TENT4B: variants seen among roughly 807,000 people sequenced by gnomAD.
The protein encoded by TENT4B is terminal nucleotidyltransferase 4B.
Under a neutral mutation model 75.0 loss-of-function variants are expected in TENT4B, and 10 were observed. That is an observed-to-expected ratio of 0.13 (90% CI 0.08 to 0.23). The LOEUF is 0.23. Among genes scored for constraint, TENT4B ranks in the 10% least tolerant of loss-of-function variants. The probability of loss-of-function intolerance (pLI) is 1.00; values close to 1 mark genes in which losing one functional copy is unlikely to be tolerated. For synonymous variants in TENT4B, 350 were observed against 357.7 expected (o/e 0.98, Z 0.24); for missense variants, 579 against 893.8 (o/e 0.65, Z 4.49).
At chr16:50,202,657 C>G (rs2150724226) in intron 1 of TENT4B, among the ~76,000 whole-genome samples, 1 of 152,226 alleles carries the variant, frequency 6.6e-6, no homozygotes, top group Non-Finnish European at 1.5e-5. Flanking sequence ...TAGAACTACT[C>G]AAGAGTAGTT....
chr16:50,178,112 A>T (rs1157486122), intron 1 of TENT4B, among the ~76,000 whole-genome samples: 1 of 144,344 alleles, frequency 6.9e-6, no homozygotes, highest in Admixed American at 6.9e-5. Flanking sequence ...TCAATTTGTT[A>T]AGGTGCTCTT....
chr16:50,189,888 C>T (rs1215207786), intron 1 of TENT4B, among the ~76,000 whole-genome samples: 2 of 151,452 alleles, frequency 1.3e-5, no homozygotes, highest in Non-Finnish European at 2.9e-5. Context: ...ACCAGCCTGG[C>T]CAACATGGTG....
chr16:50,216,639 T>C (rs371843692), intron 4 of TENT4B, among the ~76,000 whole-genome samples: 1 of 151,906 alleles, frequency 6.6e-6, no homozygotes. Context: ...CAGCAAAATA[T>C]GCAATTTTAT....
rs986904322 is a variant in TENT4B at position 50,229,781 on chromosome 16, G to GT, written c.*463dup. On this transcript the variant is annotated 3_prime_UTR_variant, in exon 12 of 12. Transcript: ENST00000561678. ...CCAAAGGGGAAAGTGATCTGTGCATGTTTTTTTTTTAAATATTTTTGCATA... is the reference window on the plus strand; with the variant it reads ...CCAAAGGGGAAAGTGATCTGTGCATGTTTTTTTTTTTAAATATTTTTGCATA... 3.2e-3 allele frequency: 2,857 copies of GT among 890,238 alleles called. No individual in the cohort carries two copies. Among genetic ancestry groups the GT allele is most frequent in the Middle Eastern group, 6.5e-3 (11 of 1,704 alleles). The allele number at this position is 890,238 out of a possible 1,614,324, so 55.1% of individuals were successfully genotyped here.
At chr16:50,214,027 T>C (rs2031422262) in intron 2 of TENT4B, among the ~76,000 whole-genome samples, 194 bp from the exon 3 acceptor site, 2 of 152,192 alleles carry the variant, frequency 1.3e-5, no homozygotes, top group Non-Finnish European at 2.9e-5. Flanking sequence ...TAAGTTTAAA[T>C]TATATTCAGA....
At chr16:50,180,113 T>C (rs896409594) in intron 1 of TENT4B, among the ~76,000 whole-genome samples, 1 of 151,370 alleles carries the variant, frequency 6.6e-6, no homozygotes, top group Admixed American at 6.6e-5. Flanking sequence ...TTCTTTTTCT[T>C]TTTTTTTTGA....
At chr16:50,177,293 G>A (rs1282328063) in intron 1 of TENT4B, among the ~76,000 whole-genome samples, 1 of 152,146 alleles carries the variant, frequency 6.6e-6, no homozygotes, top group Non-Finnish European at 1.5e-5. Flanking sequence ...GTGAGTCACT[G>A]TGCCTGGCCC....
intron 1 of TENT4B, among the ~76,000 whole-genome samples, chr16:50,167,739 C>T (rs945341251): frequency 6.6e-6 from 1 of 151,500 alleles, no homozygotes; most frequent in Non-Finnish European, 1.5e-5. Flanking sequence ...CTTACTGCAC[C>T]CTCTGCCTCC....
intron 1 of TENT4B, among the ~76,000 whole-genome samples, chr16:50,203,929 A>C (rs1295992883): frequency 1.3e-5 from 2 of 152,156 alleles, no homozygotes; most frequent in Non-Finnish European, 2.9e-5. Context: ...ATGCTCCAGG[A>C]GCCCCCAGGA....
chr16:50,154,100 A>T lies in TENT4B; in HGVS notation c.479A>T (p.Lys160Met). ...PADSASGSSN[K>M]RKRDNKASTY... ...GATTCGGCCTCGGGCAGCAGCAACA[A>T]GAGGAAGCGCGACAACAAGGCCAGC... is the stretch of plus-strand genomic sequence containing the variant. The change falls in exon 1 of 12, where the codon AAG (lysine) becomes ATG (methionine). Residue 160 changes from lysine (K) to methionine (M), a missense_variant. Transcript: ENST00000561678. 6.5e-7 allele frequency: 1 copy of T among 1,528,706 alleles called. No homozygotes were observed. Among genetic ancestry groups the T allele is most frequent in the Non-Finnish European group, 8.7e-7 (1 of 1,143,974 alleles). The allele number at this position is 1,528,706 out of a possible 1,614,324, so 94.7% of individuals were successfully genotyped here.
intron 1 of TENT4B, among the ~76,000 whole-genome samples, chr16:50,181,446 A>G (rs1486031198): frequency 6.7e-6 from 1 of 150,060 alleles, no homozygotes; most frequent in East Asian, 1.9e-4. Flanking sequence ...GGCACACAAC[A>G]TCATATCCAG....
intron 4 of TENT4B, among the ~76,000 whole-genome samples, chr16:50,216,692 A>AT (rs896578320): frequency 9.9e-5 from 15 of 151,220 alleles, no homozygotes; most frequent in South Asian, 6.3e-4. Flanking sequence ...TGTTTTATTC[A>AT]TTTTTTTTAG....
chr16:50,229,040 C>T (rs1362650952), intron 11 of TENT4B, 112 bp from the exon 12 acceptor site: 3 of 1,514,446 alleles, frequency 2.0e-6, no homozygotes, highest in Non-Finnish European at 2.6e-6. Flanking sequence ...AGTAAGGTAA[C>T]AATCTAGCCA....
intron 1 of TENT4B, among the ~76,000 whole-genome samples, chr16:50,165,188 A>G (rs1357156665): frequency 3.3e-5 from 5 of 149,934 alleles, no homozygotes; most frequent in Non-Finnish European, 7.4e-5. Flanking sequence ...TATTCCATTT[A>G]TTTATTTTTT....
Position 50,228,062 on chromosome 16 carries a change from C to G in TENT4B, c.1965+59C>G, listed in dbSNP as rs75381599. On this transcript the variant is annotated intron_variant, in intron 11 of 11. Coordinates refer to ENST00000561678, the MANE Select transcript of TENT4B (RefSeq NM_001365324.3). The stretch of plus-strand genomic sequence containing the variant: ...TTGATACAAAATATTTAGAATTTCC[C>G]ACATGTAAATAATATGCAGCATGGG... The G allele has an allele frequency of 3.7e-3, 5,805 of 1,549,140 alleles. 193 individuals are homozygous for G. The African/African-American group carries it at 0.071, about 19-fold the overall frequency.
chr16:50,171,260 G>T (rs1459921105), intron 1 of TENT4B, among the ~76,000 whole-genome samples: 1 of 152,160 alleles, frequency 6.6e-6, no homozygotes, highest in African/African-American at 2.4e-5. Context: ...AAATAGCCAG[G>T]TGTGGTGGCA....
At chr16:50,152,978 C>T (rs1168171924), upstream of TENT4B, 10 of 1,513,330 alleles carry the variant, frequency 6.6e-6, no homozygotes, top group African/African-American at 1.4e-5. Context: ...CGCTCAGCAC[C>T]GGGGAAGCCG....
At chr16:50,198,520 A>G (rs941110253) in intron 1 of TENT4B, among the ~76,000 whole-genome samples, 2 of 152,226 alleles carry the variant, frequency 1.3e-5, no homozygotes, top group Middle Eastern at 6.8e-3. Flanking sequence ...AAAGCCAGAA[A>G]AGTGAAGAAA....
At chr16:50,198,119 T>TTA (rs781036403) in intron 1 of TENT4B, among the ~76,000 whole-genome samples, 316 of 134,154 alleles carry the variant, frequency 2.4e-3, no homozygotes, top group African/African-American at 8.3e-3. Context: ...AAAATATAAT[T>TTA]AAAAAAAAAA....
Sources: allele counts gnomAD v4.1 joint callset (sites outside exome capture counted in the v4.1 genomes callset), GRCh38; gene constraint gnomAD v4.1.1; transcripts MANE v1.5; gene names NCBI Gene and HGNC (gene_info 2026-07-23, HGNC 2026-07-21).